ARHGAP18: variants seen among roughly 807,000 people sequenced by gnomAD.
ARHGAP18 encodes rho GTPase-activating protein 18.
A neutral mutation model predicts 86.2 loss-of-function variants in ARHGAP18; 67 were observed. The observed-to-expected ratio is 0.78, with a 90% CI of 0.64 to 0.95. ARHGAP18 has a LOEUF of 0.95. Ranked by LOEUF, ARHGAP18 falls within the 40% of genes least tolerant of loss-of-function variation. ARHGAP18 has a pLI of 0.00. For missense variants in ARHGAP18, 691 were observed against 780.4 expected, an observed-to-expected ratio of 0.89 and a Z score of 1.37; for synonymous variants, 283 against 280.4, an observed-to-expected ratio of 1.01 and a Z score of -0.09.
At chr6:129,653,546 C>T (rs1318519938) in intron 1 of ARHGAP18, among the ~76,000 whole-genome samples, 2 of 152,172 alleles carry the variant, frequency 1.3e-5, no homozygotes, top group African/African-American at 4.8e-5. Flanking sequence ...AATAATTTAG[C>T]CAAGCTTAGA....
rs574639667 is a variant in ARHGAP18 at position 129,662,003 on chromosome 6, C to T, written c.114-19985G>A. 5.7e-6 allele frequency: 5 copies of T among 869,756 alleles called. No homozygotes were observed. The East Asian group carries it at 3.6e-4, about 63-fold the overall frequency. The allele number at this position is 869,756 out of a possible 1,614,324, so 53.9% of individuals were successfully genotyped here. On this transcript the variant is annotated intron_variant, in intron 1 of 14. Coordinates refer to ENST00000368149, the MANE Select transcript of ARHGAP18 (RefSeq NM_033515.3). Reference sequence around the variant, plus strand: ...ACACACACACACACAGAACACAAAGCCCCTGAAACCAAGGGCCCCTCCCAA... The same window carrying T: ...ACACACACACACACAGAACACAAAGTCCCTGAAACCAAGGGCCCCTCCCAA...
rs776920237 is a variant in ARHGAP18 at position 129,578,462 on chromosome 6, G to A, written c.*51C>T. ...TTCTTTTATTTACACTCTTGACTCAGCAAGAATTATGACAGAAGTCCACAT... is the reference window on the plus strand; with the variant it reads ...TTCTTTTATTTACACTCTTGACTCAACAAGAATTATGACAGAAGTCCACAT... On this transcript the variant is annotated 3_prime_UTR_variant, in exon 15 of 15. Transcript: ENST00000368149. 2.8e-6 allele frequency: 4 copies of A among 1,441,948 alleles called. No individual in the cohort carries two copies. Among genetic ancestry groups the A allele is most frequent in the East Asian group, 2.3e-5 (1 of 43,250 alleles). The allele number at this position is 1,441,948 out of a possible 1,614,324, so 89.3% of individuals were successfully genotyped here. A position where few individuals can be genotyped will look rare whatever the true frequency, so the allele number is the denominator to read the frequency against.
intron 10 of ARHGAP18, among the ~76,000 whole-genome samples, chr6:129,604,990 A>C (rs1788823065): frequency 1.3e-5 from 2 of 152,174 alleles, no homozygotes; most frequent in Non-Finnish European, 2.9e-5. Context: ...CCAACTAGTA[A>C]ATTTGTTTTC....
chr6:129,625,582 A>T (rs1314681908), intron 5 of ARHGAP18, among the ~76,000 whole-genome samples: 1 of 69,624 alleles, frequency 1.4e-5, no homozygotes, highest in East Asian at 4.3e-4. Context: ...TATACATTAT[A>T]TATTATATAT....
In ARHGAP18 at chr6:129,707,125, A is replaced by G. The variant is rs188987721; in HGVS notation, c.113+2899T>C. 2.6e-5 allele frequency among the ~76,000 whole-genome samples: 4 copies of G among 151,830 alleles called. No homozygotes were observed. The East Asian group carries it at 7.8e-4, about 30-fold the overall frequency. On this transcript the variant is annotated intron_variant, in intron 1 of 14. Coordinates refer to ENST00000368149, the MANE Select transcript of ARHGAP18 (RefSeq NM_033515.3). ...GTGCATGCCTGTGGTCCCAGCTACT[A>G]TAGAGGCTGAGGCAGGAGAATAGCT...
chr6:129,668,364 A>T (rs1250441138), intron 1 of ARHGAP18, among the ~76,000 whole-genome samples: 1 of 116,852 alleles, frequency 8.6e-6, no homozygotes, highest in Non-Finnish European at 1.8e-5. Context: ...CCAAATAATC[A>T]CACACACACA....
At chr6:129,665,528 C>A (rs1366076755) in intron 1 of ARHGAP18, among the ~76,000 whole-genome samples, 1 of 151,958 alleles carries the variant, frequency 6.6e-6, no homozygotes, top group Non-Finnish European at 1.5e-5. Context: ...CCAGCCTGGG[C>A]AATAGAGCCA....
At chr6:129,589,178 G>A (rs957944837) in intron 12 of ARHGAP18, among the ~76,000 whole-genome samples, 30 of 152,242 alleles carry the variant, frequency 2.0e-4, no homozygotes, top group Non-Finnish European at 3.8e-4. Context: ...TTCTGCAGTG[G>A]GATTGAACTT....
intron 1 of ARHGAP18, among the ~76,000 whole-genome samples, chr6:129,669,955 T>C (rs1469539323): frequency 6.6e-6 from 1 of 152,208 alleles, no homozygotes; most frequent in East Asian, 1.9e-4. Context: ...ATGCTAAATA[T>C]ATTCACTATG....
chr6:129,654,501 C>T (rs754718856), intron 1 of ARHGAP18, among the ~76,000 whole-genome samples: 31 of 152,208 alleles, frequency 2.0e-4, no homozygotes, highest in Admixed American at 1.2e-3. Flanking sequence ...CTATTTTTCA[C>T]ATGGAGTAGC....
chr6:129,611,680 T>C, intron 7 of ARHGAP18, 70 bp from the exon 8 acceptor site: 1 of 1,318,504 alleles, frequency 7.6e-7, no homozygotes, highest in South Asian at 1.2e-5. Flanking sequence ...TTAACATCTG[T>C]TTCACATATA....
At chr6:129,583,042 T>C (rs1321400947) in intron 13 of ARHGAP18, among the ~76,000 whole-genome samples, 2 of 152,230 alleles carry the variant, frequency 1.3e-5, no homozygotes, top group Admixed American at 1.3e-4. Flanking sequence ...ATTATGGTAC[T>C]AGAAGTATTT....
chr6:129,612,287 T>C (rs1208889270), intron 7 of ARHGAP18, among the ~76,000 whole-genome samples: 1 of 152,218 alleles, frequency 6.6e-6, no homozygotes, highest in Non-Finnish European at 1.5e-5. Flanking sequence ...GTCAGATTCT[T>C]GATAACGTGA....
intron 13 of ARHGAP18, among the ~76,000 whole-genome samples, chr6:129,581,703 A>G (rs1469417564): frequency 1.3e-5 from 2 of 152,178 alleles, no homozygotes; most frequent in African/African-American, 4.8e-5. Context: ...TTTATTATAC[A>G]TATATTGTAT....
intron 4 of ARHGAP18, among the ~76,000 whole-genome samples, chr6:129,632,419 AT>A (rs1773237216): frequency 6.6e-6 from 1 of 152,196 alleles, no homozygotes; most frequent in Non-Finnish European, 1.5e-5. Context: ...TTTTGTTGAT[AT>A]AGCCTACATC....
At chr6:129,652,895 T>C (rs1310104374) in intron 1 of ARHGAP18, among the ~76,000 whole-genome samples, 4 of 152,244 alleles carry the variant, frequency 2.6e-5, no homozygotes, top group Non-Finnish European at 5.9e-5. Context: ...AGAATAGTAC[T>C]GAATATAATC....
rs148002229 is a variant in ARHGAP18, at chr6:129,588,426, T to A, written c.1714-4314A>T. On this transcript the variant is annotated intron_variant, in intron 12 of 14. Coordinates refer to ENST00000368149, the MANE Select transcript of ARHGAP18 (RefSeq NM_033515.3). ...CCACCATGCCCAGCCTAACCAAATA[T>A]TAAAGTTCTAAAATGATCTTCTTTG... Among the ~76,000 whole-genome samples the A allele has an allele frequency of 8.8e-4, 134 of 152,162 alleles. 1 individual carries two copies. The Middle Eastern group carries it at 0.02, about 23-fold the overall frequency.
At chr6:129,707,190 G>A (rs910460843) in intron 1 of ARHGAP18, among the ~76,000 whole-genome samples, 2 of 151,560 alleles carry the variant, frequency 1.3e-5, no homozygotes, top group South Asian at 2.1e-4. Context: ...CCAAGAGTGC[G>A]CCATTGTGCT....
Position 129,600,758 on chromosome 6 carries a change from G to A in ARHGAP18, c.1456C>T (p.Leu486Phe). 6.2e-7 allele frequency: 1 copy of A among 1,613,672 alleles called. No individual in the cohort carries two copies. Among genetic ancestry groups the A allele is most frequent in the Non-Finnish European group, 8.5e-7 (1 of 1,179,802 alleles). Residue 486 changes from leucine to phenylalanine, a missense_variant, in exon 11 of 15, where the codon CTC (leucine) becomes TTC (phenylalanine). By Grantham distance (22) the Leu-to-Phe change is conservative. Coordinates refer to ENST00000368149, the MANE Select transcript of ARHGAP18 (RefSeq NM_033515.3). ...AATCCCAATGCATGACACATAAAGAGATTCGGGGCCATGACCATTGCTACA... is the reference window on the plus strand; with the variant it reads ...AATCCCAATGCATGACACATAAAGAAATTCGGGGCCATGACCATTGCTACA... ...MNVAMVMAPN[L>F]FMCHALGLKS... is the part of the protein sequence containing the mutation.
Sources: allele counts gnomAD v4.1 joint callset (sites outside exome capture counted in the v4.1 genomes callset), GRCh38; gene constraint gnomAD v4.1.1; transcripts MANE v1.5; gene names NCBI Gene and HGNC (gene_info 2026-07-23, HGNC 2026-07-21).